The following LRFN2 variants were observed in gnomAD, a reference collection of about 807,000 sequenced individuals.
LRFN2 encodes the protein leucine-rich repeat and fibronectin type-III domain-containing protein 2.
LRFN2 carries 18 observed loss-of-function variants against 37.3 expected under a neutral mutation model. The observed-to-expected ratio is 0.48, with a 90% CI of 0.33 to 0.72. LRFN2 has a LOEUF of 0.72. Among genes scored for constraint, LRFN2 ranks in the 30% least tolerant of loss-of-function variants. The probability of loss-of-function intolerance (pLI) is 0.02; values close to 1 mark genes in which losing one functional copy is unlikely to be tolerated. For synonymous variants in LRFN2, 556 were observed against 466.6 expected (o/e 1.19, Z -2.47); for missense variants, 1,006 against 1,060.7 (o/e 0.95, Z 0.72).
At chr6:40,565,527 C>A (rs1162244804) in intron 1 of LRFN2, among the ~76,000 whole-genome samples, 4 of 152,120 alleles carry the variant, frequency 2.6e-5, no homozygotes, top group Non-Finnish European at 5.9e-5. Context: ...GTATTGGTAC[C>A]AAAACAGAGA....
intron 1 of LRFN2, among the ~76,000 whole-genome samples, chr6:40,562,659 G>T (rs1767020049): frequency 6.6e-6 from 1 of 152,078 alleles, no homozygotes; most frequent in Non-Finnish European, 1.5e-5. Flanking sequence ...AGCAGGGATG[G>T]GGCCTCCCTG....
intron 1 of LRFN2, among the ~76,000 whole-genome samples, chr6:40,569,511 A>G (rs909049435): frequency 6.6e-6 from 1 of 152,204 alleles, no homozygotes; most frequent in Admixed American, 6.5e-5. Flanking sequence ...TATGGGGTTT[A>G]TATCAGCCCA....
chr6:40,520,999 A>C (rs1402241099), intron 1 of LRFN2, among the ~76,000 whole-genome samples: 1 of 152,184 alleles, frequency 6.6e-6, no homozygotes, highest in Non-Finnish European at 1.5e-5. Context: ...AAGCCACTAG[A>C]GAGACAGTGA....
intron 1 of LRFN2, among the ~76,000 whole-genome samples, chr6:40,467,536 A>G (rs1002906501): frequency 6.6e-6 from 1 of 152,178 alleles, no homozygotes; most frequent in Non-Finnish European, 1.5e-5. Flanking sequence ...GACTCTTGGC[A>G]AAGTCCAGAG....
At chr6:40,404,804 G>C (rs568505853) in intron 2 of LRFN2, among the ~76,000 whole-genome samples, 3 of 152,330 alleles carry the variant, frequency 2.0e-5, no homozygotes, top group Non-Finnish European at 4.4e-5. Flanking sequence ...CCTCTGAGCA[G>C]TTCCCCATTC....
intron 1 of LRFN2, among the ~76,000 whole-genome samples, chr6:40,505,899 AG>A (rs1456119892): frequency 1.3e-5 from 2 of 152,198 alleles, no homozygotes; most frequent in African/African-American, 4.8e-5. Context: ...GGAGATGGGC[AG>A]GGGTCTGGGG....
At chr6:40,428,275 C>A (rs539554955) in intron 2 of LRFN2, among the ~76,000 whole-genome samples, 1 of 152,290 alleles carries the variant, frequency 6.6e-6, no homozygotes, top group South Asian at 2.1e-4. Flanking sequence ...CTCATTGTAA[C>A]CTCTTTCCCA....
chr6:40,460,905 A>G (rs1044604364), intron 1 of LRFN2, among the ~76,000 whole-genome samples: 1 of 152,206 alleles, frequency 6.6e-6, no homozygotes, highest in Non-Finnish European at 1.5e-5. Context: ...CTTGTTCCCT[A>G]TGCCTCTTCC....
intron 1 of LRFN2, among the ~76,000 whole-genome samples, chr6:40,444,902 AT>A (rs56080657): frequency 0.12 from 18,535 of 148,702 alleles, 1,209 homozygotes; most frequent in African/African-American, 0.17. Context: ...CTTCTTCATG[AT>A]TTTTTTTTTT....
chr6:40,528,017 G>T (rs1766284570), intron 1 of LRFN2, among the ~76,000 whole-genome samples: 1 of 152,202 alleles, frequency 6.6e-6, no homozygotes, highest in Admixed American at 6.5e-5. Context: ...AGAAAATGGA[G>T]TCTCAGAGAG....
chr6:40,434,495 T>C (rs908991867), intron 1 of LRFN2, among the ~76,000 whole-genome samples: 13 of 151,800 alleles, frequency 8.6e-5, no homozygotes, highest in African/African-American at 3.1e-4. Flanking sequence ...TTTTTTTTTT[T>C]TGAGACGGAG....
At chr6:40,435,048 T>TAG (rs1474351575) in intron 1 of LRFN2, among the ~76,000 whole-genome samples, 636 of 70,942 alleles carry the variant, frequency 9.0e-3, no homozygotes, top group Non-Finnish European at 0.011. Flanking sequence ...TATATATATA[T>TAG]ATATAGAGAG....
At chr6:40,468,677 A>G (rs1764526046) in intron 1 of LRFN2, among the ~76,000 whole-genome samples, 1 of 151,664 alleles carries the variant, frequency 6.6e-6, no homozygotes, top group Admixed American at 6.5e-5. Flanking sequence ...GCAGTTATAG[A>G]GGTGCTGAAG....
intron 2 of LRFN2, among the ~76,000 whole-genome samples, chr6:40,397,958 G>T (rs1248440518): frequency 3.3e-5 from 5 of 151,858 alleles, no homozygotes; most frequent in Admixed American, 6.6e-5. Flanking sequence ...ATTTGGCATT[G>T]GTTGTCACAT....
chr6:40,472,060 T>C (rs1378189247), intron 1 of LRFN2, among the ~76,000 whole-genome samples: 1 of 152,130 alleles, frequency 6.6e-6, no homozygotes, highest in Non-Finnish European at 1.5e-5. Context: ...GTCCTAAACA[T>C]GAGCTCCCCG....
At chr6:40,424,861 C>T (rs1167214879) in intron 2 of LRFN2, among the ~76,000 whole-genome samples, 1 of 152,214 alleles carries the variant, frequency 6.6e-6, no homozygotes, top group Admixed American at 6.5e-5. Context: ...AACACCACTT[C>T]CCACTAGCTT....
At chr6:40,424,496 T>C (rs942308470) in intron 2 of LRFN2, among the ~76,000 whole-genome samples, 3 of 152,246 alleles carry the variant, frequency 2.0e-5, no homozygotes, top group African/African-American at 7.2e-5. Context: ...CGCAATCTGT[T>C]TGAGACTAGT....
chr6:40,576,913 C>T (rs1767290529), intron 1 of LRFN2, among the ~76,000 whole-genome samples: 1 of 151,864 alleles, frequency 6.6e-6, no homozygotes, highest in South Asian at 2.1e-4. Flanking sequence ...AACCCTCCAT[C>T]ATCACCTCAT....
At chr6:40,452,236 G>A (rs189693019) in intron 1 of LRFN2, among the ~76,000 whole-genome samples, 50 of 152,294 alleles carry the variant, frequency 3.3e-4, no homozygotes, top group Admixed American at 5.2e-4. Flanking sequence ...AGTTTCTCTA[G>A]GTCACCCTGC....
Sources: gnomAD v4.1 joint callset for allele counts (sites outside exome capture counted in the v4.1 genomes callset) on GRCh38, gnomAD v4.1.1 for gene constraint, MANE v1.5 for transcripts, NCBI Gene and HGNC (gene_info 2026-07-23, HGNC 2026-07-21) for gene names.